The following DDAH1 variants were observed in gnomAD, a reference collection of about 807,000 sequenced individuals.
The protein encoded by DDAH1 is N(G),N(G)-dimethylarginine dimethylaminohydrolase 1.
Under a neutral mutation model 28.8 loss-of-function variants are expected in DDAH1, and 19 were observed. That is an observed-to-expected ratio of 0.66 (90% CI 0.46 to 0.97). The LOEUF (loss-of-function observed/expected upper bound fraction) is 0.97. Ranked by LOEUF, DDAH1 falls within the 50% of genes least tolerant of loss-of-function variation. DDAH1 has a pLI of 0.00. For missense variants in DDAH1, 326 were observed against 375.9 expected, an observed-to-expected ratio of 0.87 and a Z score of 1.10; for synonymous variants, 153 against 154.4, an observed-to-expected ratio of 0.99 and a Z score of 0.07.
chr1:85,574,889 C>CTATA (rs1202178991), intron 1 of DDAH1, among the ~76,000 whole-genome samples: 4 of 151,640 alleles, frequency 2.6e-5, no homozygotes, highest in East Asian at 3.9e-4. Context: ...CTCTCTCTCT[C>CTATA]TCTATATATA....
rs746325947 is a variant in DDAH1 at position 85,320,986 on chromosome 1, A to G, written c.*466T>C. The G allele has an allele frequency of 6.6e-6, 1 of 151,064 alleles. No homozygotes were observed. The highest frequency in any genetic ancestry group is 1.5e-5 in the Non-Finnish European group (1 of 67,934). The allele number at this position is 151,064 out of a possible 1,614,324, so 9.4% of individuals were successfully genotyped here. On this transcript the variant is annotated 3_prime_UTR_variant, in exon 6 of 6. Coordinates refer to ENST00000284031, the MANE Select transcript of DDAH1 (RefSeq NM_012137.4). ...GCGAAAGGCAAAAGTAACTAACTGA[A>G]TTTCAGAATTCAGAAGTAAAAGAGA...
At chr1:85,416,137 G>A (rs778044577) in intron 1 of DDAH1, among the ~76,000 whole-genome samples, 8 of 152,002 alleles carry the variant, frequency 5.3e-5, no homozygotes, top group East Asian at 1.9e-4. Context: ...AATTTACTTC[G>A]AGGTATGAAA....
At chr1:85,473,536 C>CCTTGTGAAATGAAGTTGCTTCATTTT (rs1347228907) in intron 2 of DDAH1, among the ~76,000 whole-genome samples, 212 of 152,206 alleles carry the variant, frequency 1.4e-3, no homozygotes, top group Non-Finnish European at 2.2e-3. Flanking sequence ...CCCTTCATTT[C>CCTTGTGAAATGAAGTTGCTTCATTTT]CTTGTGAAAT....
intron 1 of DDAH1, among the ~76,000 whole-genome samples, chr1:85,559,593 T>C (rs1659081954): frequency 6.6e-6 from 1 of 152,194 alleles, no homozygotes; most frequent in African/African-American, 2.4e-5. Context: ...AGCTATGTAC[T>C]AGTATTTAAA....
chr1:85,518,222 G>A (rs1361938687), intron 1 of DDAH1, among the ~76,000 whole-genome samples: 1 of 152,168 alleles, frequency 6.6e-6, no homozygotes, highest in Non-Finnish European at 1.5e-5. Flanking sequence ...GTGGCTGCTT[G>A]TATTCATTTC....
chr1:85,483,744 G>A (rs72960756), intron 2 of DDAH1, among the ~76,000 whole-genome samples: 5,011 of 152,190 alleles, frequency 0.033, 160 homozygotes, highest in African/African-American at 0.081. Context: ...ACCACGGATC[G>A]CGGACCTGTA....
Position 85,350,509 on chromosome 1 carries a change from A to T in DDAH1, c.503T>A (p.Val168Glu). The change falls in exon 4 of 6, where the codon GTG becomes GAG. Residue 168 changes from valine (V) to glutamate (E), a missense_variant. Val to Glu is a moderately radical substitution (Grantham distance 121). Coordinates refer to ENST00000284031, the MANE Select transcript of DDAH1 (RefSeq NM_012137.4). ...FKDYAVSTVPVADGLHLKSFC... is the reference protein window; with the variant it reads ...FKDYAVSTVPEADGLHLKSFC... ...ACTCTTCAAATGCAACCCATCTGCCACTGGCACTGTGGAGACTGCATAGTC... is the reference window on the plus strand; with the variant it reads ...ACTCTTCAAATGCAACCCATCTGCCTCTGGCACTGTGGAGACTGCATAGTC... The T allele has an allele frequency of 6.2e-7, 1 of 1,614,154 alleles. No homozygotes were observed. Among genetic ancestry groups the T allele is most frequent in the Non-Finnish European group, 8.5e-7 (1 of 1,179,994 alleles).
intron 1 of DDAH1, among the ~76,000 whole-genome samples, chr1:85,526,135 G>A (rs575058): frequency 0.2 from 31,143 of 152,052 alleles, 3,324 homozygotes; most frequent in African/African-American, 0.27. Context: ...ACATGGAAAT[G>A]TAAGTGTCCT....
intron 1 of DDAH1, among the ~76,000 whole-genome samples, chr1:85,369,223 T>G (rs552390367): frequency 1.1e-5 from 1 of 90,730 alleles, no homozygotes; most frequent in East Asian, 2.9e-4. Context: ...CAATGGCCAA[T>G]TTTTTTTTTT....
rs539959481 is a variant in DDAH1 at position 85,336,468 on chromosome 1, GAAAAA to G, written c.598-11590_598-11586del. Among the ~76,000 whole-genome samples the G allele has an allele frequency of 8.2e-4, 124 of 150,356 alleles. 1 individual carries two copies. In the Middle Eastern group the frequency reaches 0.01, roughly 12 times the overall value. ...GTCAATGAAGAAATTAAGAAAGAAA[GAAAAA>G]AAAATTCCAGAAACAAGTGAAAATG... On this transcript the variant is annotated intron_variant, in intron 4 of 5. Transcript: ENST00000284031.
chr1:85,353,686 T>C (rs569710150), intron 2 of DDAH1, among the ~76,000 whole-genome samples: 2 of 152,262 alleles, frequency 1.3e-5, no homozygotes, highest in Admixed American at 6.5e-5. Flanking sequence ...TCTTTCAAGA[T>C]AAAAATAGGT....
Position 85,449,281 on chromosome 1 carries a change from C to T in DDAH1, c.303+15462G>A, listed in dbSNP as rs367668719. On this transcript the variant is annotated intron_variant, in intron 1 of 5. Transcript: ENST00000284031. ...ATGAGAAGGTTGGCAGAACATGGCA[C>T]CAAGAGGACATAGCAGTATGTTTGA... Among the ~76,000 whole-genome samples the T allele has an allele frequency of 7.2e-5, 11 of 152,214 alleles. No individual in the cohort carries two copies. The East Asian group carries it at 1.9e-3, about 27-fold the overall frequency.
intron 1 of DDAH1, among the ~76,000 whole-genome samples, chr1:85,503,724 T>C (rs2100742387): frequency 6.6e-6 from 1 of 152,148 alleles, no homozygotes; most frequent in African/African-American, 2.4e-5. Context: ...AGTACAATAT[T>C]GGACAGTGGT....
intron 4 of DDAH1, among the ~76,000 whole-genome samples, chr1:85,349,811 T>C (rs1034481754): frequency 3.2e-4 from 48 of 152,284 alleles, no homozygotes; most frequent in Non-Finnish European, 3.2e-4. Flanking sequence ...CAACAGAAGG[T>C]CATCTTCTTT....
intron 1 of DDAH1, among the ~76,000 whole-genome samples, chr1:85,448,970 G>A (rs1654552328): frequency 6.6e-6 from 1 of 152,106 alleles, no homozygotes; most frequent in Non-Finnish European, 1.5e-5. Flanking sequence ...AGGAGAAGGG[G>A]AAAGAGACAA....
intron 1 of DDAH1, among the ~76,000 whole-genome samples, chr1:85,515,918 G>C (rs1291260621): frequency 3.4e-4 from 52 of 152,322 alleles, no homozygotes; most frequent in Middle Eastern, 3.4e-3. Flanking sequence ...AGAACAGACG[G>C]CTAAGATCAA....
chr1:85,349,838 C>CTTGA (rs1429422790), intron 4 of DDAH1, among the ~76,000 whole-genome samples: 1 of 152,198 alleles, frequency 6.6e-6, no homozygotes, highest in Non-Finnish European at 1.5e-5. Context: ...GACTTCCACT[C>CTTGA]TTGATTTAGC....
chr1:85,519,980 ATTT>A (rs1160592176), intron 1 of DDAH1, among the ~76,000 whole-genome samples: 1 of 151,772 alleles, frequency 6.6e-6, no homozygotes, highest in Non-Finnish European at 1.5e-5. Context: ...CCCTTTATTT[ATTT>A]ATTTATTTAT....
intron 1 of DDAH1, among the ~76,000 whole-genome samples, chr1:85,510,284 C>G (rs1022959171): frequency 2.4e-4 from 36 of 152,296 alleles, no homozygotes; most frequent in African/African-American, 8.7e-4. Context: ...AAATCCTTTA[C>G]AGACAAGCAA....
Sources: allele counts gnomAD v4.1 joint callset (sites outside exome capture counted in the v4.1 genomes callset), GRCh38; gene constraint gnomAD v4.1.1; transcripts MANE v1.5; gene names NCBI Gene and HGNC (gene_info 2026-07-23, HGNC 2026-07-21).